Variants in SNX29 observed in about 807,000 individuals in gnomAD.
SNX29 encodes the protein sorting nexin-29.
In SNX29, 78 loss-of-function variants were observed where a neutral mutation model predicts 102.1. The observed-to-expected ratio is 0.76, with a 90% CI of 0.64 to 0.92. The LOEUF (loss-of-function observed/expected upper bound fraction) is 0.92. Among genes scored for constraint, SNX29 ranks in the 40% least tolerant of loss-of-function variants. SNX29 has a pLI of 0.00. For missense variants in SNX29, 1,280 were observed against 1,061.7 expected, an observed-to-expected ratio of 1.21 and a Z score of -2.86; for synonymous variants, 580 against 414.5, an observed-to-expected ratio of 1.40 and a Z score of -4.85.
At chr16:12,526,431 TTTGTGAGAAG>T (rs2076785307) in intron 20 of SNX29, 14 of 405,866 alleles carry the variant, frequency 3.4e-5, no homozygotes, top group South Asian at 2.4e-4. Context: ...TTCCGGGGTT[TTTGTGAGAAG>T]ACATTATAGT....
intron 20 of SNX29, among the ~76,000 whole-genome samples, chr16:12,540,296 G>T (rs186134235): frequency 2.2e-4 from 34 of 152,124 alleles, no homozygotes; most frequent in Non-Finnish European, 4.4e-4. Context: ...GAGGCATTAC[G>T]GGGTGGCCCC....
chr16:12,043,262 C>T (rs2151182646), intron 5 of SNX29, among the ~76,000 whole-genome samples, 185 bp downstream of exon 5: 1 of 152,138 alleles, frequency 6.6e-6, no homozygotes, highest in Admixed American at 6.5e-5. Flanking sequence ...TGAGAGACTG[C>T]CTGTAAAGGG....
intron 4 of SNX29, among the ~76,000 whole-genome samples, chr16:12,036,171 G>T (rs1278939163): frequency 1.3e-5 from 2 of 151,834 alleles, no homozygotes; most frequent in African/African-American, 2.4e-5. Context: ...AACTCCTGGG[G>T]TCCAGCCATC....
At chr16:12,466,227 A>T (rs1489978511) in intron 18 of SNX29, among the ~76,000 whole-genome samples, 1 of 152,336 alleles carries the variant, frequency 6.6e-6, no homozygotes, top group African/African-American at 2.4e-5. Flanking sequence ...AGATGATATC[A>T]TGTCATATAG....
chr16:12,360,168 C>T (rs1223394584), intron 16 of SNX29, among the ~76,000 whole-genome samples: 1 of 152,220 alleles, frequency 6.6e-6, no homozygotes, highest in African/African-American at 2.4e-5. Flanking sequence ...ATGAAATACC[C>T]AGTCAGTGTT....
chr16:12,522,596 A>C (rs185126005), intron 19 of SNX29, among the ~76,000 whole-genome samples: 3 of 151,922 alleles, frequency 2.0e-5, no homozygotes, highest in Admixed American at 2.0e-4. Context: ...AGTTCTCATG[A>C]GATCTGGTTG....
chr16:12,542,022 G>GT (rs896221590), intron 20 of SNX29, among the ~76,000 whole-genome samples: 2 of 152,098 alleles, frequency 1.3e-5, no homozygotes, highest in Non-Finnish European at 2.9e-5. Context: ...GCACCGCTCT[G>GT]TTTTTTCTTT....
intron 18 of SNX29, among the ~76,000 whole-genome samples, chr16:12,473,073 C>G (rs1347598768): frequency 6.6e-6 from 1 of 151,940 alleles, no homozygotes. Flanking sequence ...TGGAGCTGAT[C>G]GAACTTAATT....
chr16:12,518,573 C>T (rs544639763), intron 19 of SNX29, among the ~76,000 whole-genome samples: 20 of 152,304 alleles, frequency 1.3e-4, no homozygotes, highest in South Asian at 1.0e-3. Context: ...CTCCTGCAAA[C>T]GTAGATATTC....
At chr16:11,982,406 G>A (rs1162700670) in intron 1 of SNX29, among the ~76,000 whole-genome samples, 1 of 150,484 alleles carries the variant, frequency 6.6e-6, no homozygotes. Context: ...TAAGTTCCTG[G>A]ATGCTCCTTT....
chr16:11,979,016 C>T (rs2055360709), intron 1 of SNX29, among the ~76,000 whole-genome samples: 2 of 151,840 alleles, frequency 1.3e-5, no homozygotes, highest in South Asian at 4.2e-4. Flanking sequence ...TGGCTCACAC[C>T]TGTAATCTCA....
At chr16:12,153,309 C>G (rs2055378319) in intron 13 of SNX29, among the ~76,000 whole-genome samples, 2 of 152,056 alleles carry the variant, frequency 1.3e-5, no homozygotes, top group African/African-American at 4.8e-5. Context: ...TACAGAGGGT[C>G]ATGACATCTT....
intron 13 of SNX29, among the ~76,000 whole-genome samples, chr16:12,170,836 T>A (rs976352871): frequency 6.7e-6 from 1 of 149,842 alleles, no homozygotes; most frequent in Non-Finnish European, 1.5e-5. Flanking sequence ...AGTATGAGAG[T>A]GTGAGTGTAT....
chr16:12,494,012 T>A (rs2088682417), intron 19 of SNX29, among the ~76,000 whole-genome samples: 1 of 152,232 alleles, frequency 6.6e-6, no homozygotes, highest in Admixed American at 6.5e-5. Context: ...TTGGCTATTT[T>A]TCTTCTGGGG....
At chr16:12,041,116 GTTTTGTTTTTTTT>G (rs2049864016) in intron 4 of SNX29, among the ~76,000 whole-genome samples, 1 of 151,884 alleles carries the variant, frequency 6.6e-6, no homozygotes. Flanking sequence ...TGTTTTTTTT[GTTTTGTTTTTTTT>G]GAGATAGAGT....
At chr16:12,342,264 C>T (rs2081631637) in intron 15 of SNX29, among the ~76,000 whole-genome samples, 1 of 152,204 alleles carries the variant, frequency 6.6e-6, no homozygotes, top group Non-Finnish European at 1.5e-5. Flanking sequence ...CAGATGTCTG[C>T]TGCATGCCTC....
intron 14 of SNX29, among the ~76,000 whole-genome samples, chr16:12,251,517 A>T (rs530657787): frequency 2.0e-5 from 3 of 152,254 alleles, no homozygotes; most frequent in Non-Finnish European, 4.4e-5. Context: ...ATCCTGGCCA[A>T]CATGGTAAAA....
chr16:11,977,934 TTC>T (rs2055338250), intron 1 of SNX29: 1 of 152,242 alleles, frequency 6.6e-6, no homozygotes, highest in Non-Finnish European at 1.5e-5. Context: ...GTGGAATTGT[TTC>T]TGAGGATCCC....
intron 13 of SNX29, among the ~76,000 whole-genome samples, chr16:12,185,929 G>C (rs1000181254): frequency 6.6e-6 from 1 of 152,180 alleles, no homozygotes; most frequent in Non-Finnish European, 1.5e-5. Flanking sequence ...CACTCAAAGT[G>C]TTTCCTAGGT....
Sources: allele counts gnomAD v4.1 joint callset (sites outside exome capture counted in the v4.1 genomes callset), GRCh38; gene constraint gnomAD v4.1.1; transcripts MANE v1.5; gene names NCBI Gene and HGNC (gene_info 2026-07-23, HGNC 2026-07-21).